ITGA8: variants seen among roughly 807,000 people sequenced by gnomAD.
The protein encoded by ITGA8 is integrin alpha-8.
Under a neutral mutation model 142.3 loss-of-function variants are expected in ITGA8, and 91 were observed. The observed-to-expected ratio is 0.64, with a 90% CI of 0.54 to 0.76. ITGA8 has a LOEUF of 0.76. Among genes scored for constraint, ITGA8 ranks in the 30% least tolerant of loss-of-function variants. The probability of loss-of-function intolerance (pLI) is 0.00; values close to 1 mark genes in which losing one functional copy is unlikely to be tolerated. For synonymous variants in ITGA8, 505 were observed against 485.2 expected (o/e 1.04, Z -0.54); for missense variants, 1,406 against 1,327.7 (o/e 1.06, Z -0.92).
At chr10:15,644,352 C>T (rs1833927947) in intron 12 of ITGA8, 131 bp from the exon 13 acceptor site, 3 of 723,798 alleles carry the variant, frequency 4.1e-6, no homozygotes, top group Non-Finnish European at 6.4e-6. Context: ...ACCGCAGCCC[C>T]ACACTCCCGG....
At chr10:15,620,189 T>A (rs1160131196) in intron 13 of ITGA8, among the ~76,000 whole-genome samples, 1 of 152,164 alleles carries the variant, frequency 6.6e-6, no homozygotes, top group Non-Finnish European at 1.5e-5. Context: ...GCATAAGTAA[T>A]AATGTAATAA....
At chr10:15,517,437 C>T (rs887553591) in intron 29 of ITGA8, among the ~76,000 whole-genome samples, 193 bp from the exon 30 acceptor site, 6 of 152,092 alleles carry the variant, frequency 3.9e-5, no homozygotes, top group African/African-American at 1.4e-4. Context: ...GATTCTCCTG[C>T]CTCAGCCTCC....
chr10:15,602,325 C>G (rs1211341090), intron 20 of ITGA8, among the ~76,000 whole-genome samples: 1 of 152,114 alleles, frequency 6.6e-6, no homozygotes, highest in African/African-American at 2.4e-5. Flanking sequence ...ATGACATCTT[C>G]AAATCAAAGT....
chr10:15,718,998 C>G (rs767707849), intron 1 of ITGA8, 99 bp from the exon 2 acceptor site: 160 of 1,534,688 alleles, frequency 1.0e-4, no homozygotes, highest in Non-Finnish European at 1.4e-4. Context: ...CTGGGGCAGG[C>G]GTGGAGGGCA....
intron 22 of ITGA8, among the ~76,000 whole-genome samples, chr10:15,590,797 C>G (rs1385924094): frequency 6.6e-6 from 1 of 152,148 alleles, no homozygotes; most frequent in African/African-American, 2.4e-5. Context: ...TTTATTCCAT[C>G]TGTATCCCAT....
intron 23 of ITGA8, among the ~76,000 whole-genome samples, chr10:15,585,822 G>GA: frequency 1.3e-5 from 2 of 152,132 alleles, no homozygotes; most frequent in South Asian, 4.1e-4. Flanking sequence ...TAGGACCAAA[G>GA]AAAAAAGATG....
chr10:15,650,279 C>A (rs1345619818), intron 11 of ITGA8, among the ~76,000 whole-genome samples: 1 of 152,178 alleles, frequency 6.6e-6, no homozygotes, highest in Non-Finnish European at 1.5e-5. Context: ...ATGTTTTAGG[C>A]AACCTAACAG....
chr10:15,665,946 AG>A (rs1430445761), intron 8 of ITGA8, among the ~76,000 whole-genome samples: 4 of 152,246 alleles, frequency 2.6e-5, no homozygotes, highest in Non-Finnish European at 5.9e-5. Context: ...GAAGTCAGGT[AG>A]GGTGATGCCT....
intron 9 of ITGA8, 94 bp from the exon 10 acceptor site, chr10:15,659,149 A>C: frequency 1.3e-6 from 1 of 751,986 alleles, no homozygotes. Context: ...AATTTTTTGT[A>C]AAGTGTGATA....
At chr10:15,717,268 A>G (rs1835471385) in intron 2 of ITGA8, among the ~76,000 whole-genome samples, 1 of 152,254 alleles carries the variant, frequency 6.6e-6, no homozygotes, top group Non-Finnish European at 1.5e-5. Context: ...GTCTCAAAAT[A>G]TACTTTCCTT....
intron 9 of ITGA8, among the ~76,000 whole-genome samples, chr10:15,659,309 G>C (rs1293025194): frequency 1.3e-5 from 2 of 152,138 alleles, no homozygotes; most frequent in East Asian, 3.9e-4. Flanking sequence ...AGAAATAAAA[G>C]TTGAATTCAA....
At chr10:15,641,150 T>C (rs1367587932) in intron 13 of ITGA8, among the ~76,000 whole-genome samples, 5 of 151,960 alleles carry the variant, frequency 3.3e-5, no homozygotes, top group Non-Finnish European at 5.9e-5. Flanking sequence ...GCCTCCTGGG[T>C]TCAAGCAGTT....
chr10:15,673,590 G>A (rs751651752), intron 6 of ITGA8, among the ~76,000 whole-genome samples: 1 of 152,174 alleles, frequency 6.6e-6, no homozygotes, highest in Non-Finnish European at 1.5e-5. Context: ...CTCTTGCAAA[G>A]CATAGATACT....
At position 15,606,366 on chromosome 10, in the gene ITGA8, AC is replaced by A; in HGVS notation, c.1820del (p.Ser607IlefsTer13). Reference sequence around the variant, plus strand: ...CTTCTTTAAAGGTGGATTCGTCCAAACTGTAATTCAAACTAATGTTGATTGG... The same window carrying A: ...CTTCTTTAAAGGTGGATTCGTCCAAATGTAATTCAAACTAATGTTGATTGG... ...LSPINISLNY[S>X]LDESTFKEGL... On this transcript the variant is annotated frameshift_variant, in exon 18 of 30. Transcript: ENST00000378076. LOFTEE classifies it high-confidence loss of function. 6.2e-7 allele frequency: 1 copy of A among 1,611,660 alleles called. No individual in the cohort carries two copies. Among genetic ancestry groups the A allele is most frequent in the Non-Finnish European group, 8.5e-7 (1 of 1,178,060 alleles).
At chr10:15,631,555 G>A (rs928500196) in intron 13 of ITGA8, among the ~76,000 whole-genome samples, 4 of 151,736 alleles carry the variant, frequency 2.6e-5, no homozygotes, top group Non-Finnish European at 4.4e-5. Context: ...ATCACATACC[G>A]GGTCCTGTTG....
chr10:15,545,897 T>G (rs982999911), intron 27 of ITGA8, among the ~76,000 whole-genome samples: 9 of 152,212 alleles, frequency 5.9e-5, no homozygotes, highest in African/African-American at 2.2e-4. Context: ...AATTTTGTAG[T>G]GGTCCATTGC....
chr10:15,631,314 C>G (rs142566106), intron 13 of ITGA8, among the ~76,000 whole-genome samples: 29 of 152,064 alleles, frequency 1.9e-4, no homozygotes, highest in African/African-American at 6.5e-4. Flanking sequence ...TTGGAACCAA[C>G]CCAAAAGCCT....
intron 25 of ITGA8, 25 bp from the exon 26 acceptor site, chr10:15,558,227 C>A: frequency 6.2e-7 from 1 of 1,613,218 alleles, no homozygotes; most frequent in Non-Finnish European, 8.5e-7. Context: ...TGGGAGATAC[C>A]ACATTAAAAA....
At chr10:15,519,218 C>T in intron 29 of ITGA8, 72 bp downstream of exon 29, 1 of 1,559,620 alleles carries the variant, frequency 6.4e-7, no homozygotes, top group South Asian at 1.2e-5. Flanking sequence ...TTTTAAAATC[C>T]CTAACTGTAT....
Sources: allele counts gnomAD v4.1 joint callset (sites outside exome capture counted in the v4.1 genomes callset), GRCh38; gene constraint gnomAD v4.1.1; transcripts MANE v1.5; gene names NCBI Gene and HGNC (gene_info 2026-07-23, HGNC 2026-07-21).